Variants in SLMAP observed in about 807,000 individuals in gnomAD.
SLMAP encodes the protein sarcolemma associated protein.
In SLMAP, 44 loss-of-function variants were observed where a neutral mutation model predicts 128.8. The observed-to-expected ratio is 0.34, with a 90% CI of 0.27 to 0.44. SLMAP has a LOEUF of 0.44. SLMAP is among the 20% of genes least tolerant of loss of function. The probability of loss-of-function intolerance (pLI) is 1.00; values close to 1 mark genes in which losing one functional copy is unlikely to be tolerated. For synonymous variants in SLMAP, 327 were observed against 348.8 expected, an observed-to-expected ratio of 0.94 and a Z score of 0.70; for missense variants, 787 against 985.3, an observed-to-expected ratio of 0.80 and a Z score of 2.69.
intron 19 of SLMAP, among the ~76,000 whole-genome samples, chr3:57,910,031 G>A (rs1348889765): frequency 6.6e-6 from 1 of 151,994 alleles, no homozygotes; most frequent in Non-Finnish European, 1.5e-5. Context: ...GTCACTTTCT[G>A]AGTTATGTCG....
At chr3:57,865,141 C>A in intron 12 of SLMAP, 101 bp from the exon 13 acceptor site, 1 of 658,578 alleles carries the variant, frequency 1.5e-6, no homozygotes, top group Non-Finnish European at 2.6e-6. Flanking sequence ...GTGTTCTATA[C>A]AATCTTAATC....
Position 57,881,065 on chromosome 3 carries a change from G to A in SLMAP, c.1301-8976G>A, listed in dbSNP as rs183696110. On this transcript the variant is annotated intron_variant, in intron 14 of 24. Transcript: ENST00000671191. Reference sequence around the variant, plus strand: ...AAAAATTAGCCAGGCATGGTGGCGCGCGCCTGTAATCCCAGCTACTCAGGA... The same window carrying A: ...AAAAATTAGCCAGGCATGGTGGCGCACGCCTGTAATCCCAGCTACTCAGGA... Among the ~76,000 whole-genome samples the A allele has an allele frequency of 7.8e-4, 118 of 151,954 alleles. 1 individual carries two copies. The highest frequency in any genetic ancestry group is 2.3e-3 in the African/African-American group (95 of 41,474).
intron 2 of SLMAP, among the ~76,000 whole-genome samples, chr3:57,811,847 T>C (rs2091032482): frequency 6.6e-6 from 1 of 152,228 alleles, no homozygotes; most frequent in African/African-American, 2.4e-5. Flanking sequence ...CATCTTTTCA[T>C]GTGCTTATTG....
At chr3:57,774,941 A>G (rs982594694) in intron 2 of SLMAP, among the ~76,000 whole-genome samples, 3 of 152,250 alleles carry the variant, frequency 2.0e-5, no homozygotes, top group Non-Finnish European at 4.4e-5. Flanking sequence ...AACATTTTGT[A>G]TAGAAAAATG....
intron 15 of SLMAP, among the ~76,000 whole-genome samples, chr3:57,892,885 G>A (rs1434053018): frequency 7.0e-6 from 1 of 142,306 alleles, no homozygotes; most frequent in African/African-American, 2.6e-5. Context: ...GCAGGCTGGA[G>A]TGCAGTGGCT....
intron 13 of SLMAP, among the ~76,000 whole-genome samples, chr3:57,870,718 A>C (rs2095461491): frequency 6.6e-6 from 1 of 152,202 alleles, no homozygotes; most frequent in Admixed American, 6.5e-5. Context: ...GGAGGTTTTT[A>C]TAGAGAGAAT....
At chr3:57,924,824 T>G (rs1559588038) in intron 23 of SLMAP, among the ~76,000 whole-genome samples, 1 of 152,042 alleles carries the variant, frequency 6.6e-6, no homozygotes, top group Non-Finnish European at 1.5e-5. Context: ...GTTAGAGGGA[T>G]AAAATAACCA....
chr3:57,892,603 T>A (rs1484140227), intron 15 of SLMAP, among the ~76,000 whole-genome samples: 1 of 152,114 alleles, frequency 6.6e-6, no homozygotes, highest in East Asian at 1.9e-4. Flanking sequence ...TCTATGTAAC[T>A]ATAGTATCAG....
At chr3:57,787,757 G>A (rs932472854) in intron 2 of SLMAP, among the ~76,000 whole-genome samples, 9 of 152,214 alleles carry the variant, frequency 5.9e-5, no homozygotes, top group Non-Finnish European at 4.4e-5. Flanking sequence ...GATTACAGGC[G>A]TGAGCCACCA....
intron 17 of SLMAP, among the ~76,000 whole-genome samples, chr3:57,905,062 C>A (rs921576953): frequency 2.6e-5 from 4 of 152,010 alleles, no homozygotes; most frequent in African/African-American, 9.7e-5. Flanking sequence ...CAGAGCAAGA[C>A]CCTGTCTCAA....
intron 2 of SLMAP, chr3:57,801,056 C>T (rs1246853066): frequency 1.5e-5 from 3 of 196,550 alleles, no homozygotes; most frequent in Admixed American, 5.6e-5. Context: ...ATGAGTAAAG[C>T]TAAAGCCAGA....
At chr3:57,871,157 T>A (rs2095471016) in intron 13 of SLMAP, among the ~76,000 whole-genome samples, 1 of 152,236 alleles carries the variant, frequency 6.6e-6, no homozygotes, top group African/African-American at 2.4e-5. Context: ...GAAATGAATA[T>A]GTAAAACTTA....
chr3:57,880,714 CAAAAAT>C (rs1313422835), intron 14 of SLMAP, among the ~76,000 whole-genome samples: 1 of 150,786 alleles, frequency 6.6e-6, no homozygotes, highest in East Asian at 2.0e-4. Context: ...CATGTCTCTA[CAAAAAT>C]AAAAATAAAA....
chr3:57,916,557 A>G (rs1255401499), intron 21 of SLMAP, among the ~76,000 whole-genome samples: 1 of 152,204 alleles, frequency 6.6e-6, no homozygotes, highest in Non-Finnish European at 1.5e-5. Context: ...CTTAAAAGAA[A>G]TTGTTGAAAC....
chr3:57,776,522 C>CTTTTTT (rs1553775402), intron 2 of SLMAP, among the ~76,000 whole-genome samples: 8 of 92,598 alleles, frequency 8.6e-5, no homozygotes, highest in Non-Finnish European at 1.5e-4. Context: ...CTCTCTCTCT[C>CTTTTTT]TTTTTTTTTT....
At chr3:57,865,862 C>CT (rs1191693438) in intron 13 of SLMAP, among the ~76,000 whole-genome samples, 4 of 152,172 alleles carry the variant, frequency 2.6e-5, no homozygotes, top group African/African-American at 9.7e-5. Context: ...TTTCCTGTCA[C>CT]TACACGGGGT....
At chr3:57,925,998 A>C in intron 24 of SLMAP, 64 bp downstream of exon 24, 1 of 1,142,838 alleles carries the variant, frequency 8.8e-7, no homozygotes, top group Non-Finnish European at 1.3e-6. Flanking sequence ...CCATATTTGT[A>C]ATATAGTGCA....
At chr3:57,780,998 A>G (rs2082929072) in intron 2 of SLMAP, among the ~76,000 whole-genome samples, 1 of 145,298 alleles carries the variant, frequency 6.9e-6, no homozygotes, top group Non-Finnish European at 1.5e-5. Context: ...ATACCTATGT[A>G]TGCACATATA....
chr3:57,860,117 C>T (rs935398532), intron 8 of SLMAP, among the ~76,000 whole-genome samples: 6 of 152,078 alleles, frequency 3.9e-5, no homozygotes, highest in Admixed American at 6.6e-5. Flanking sequence ...CCTGGGCTCA[C>T]GCAATCCTCC....
Sources: gnomAD v4.1 joint callset for allele counts (sites outside exome capture counted in the v4.1 genomes callset) on GRCh38, gnomAD v4.1.1 for gene constraint, MANE v1.5 for transcripts, NCBI Gene and HGNC (gene_info 2026-07-23, HGNC 2026-07-21) for gene names.